Variants in GPATCH2 observed in about 807,000 individuals in gnomAD.
GPATCH2 encodes G patch domain-containing protein 2.
Under a neutral mutation model 58.0 loss-of-function variants are expected in GPATCH2, and 51 were observed. The ratio of observed to expected loss-of-function variants is 0.88; its 90% CI spans 0.70 to 1.11. The LOEUF is 1.11. GPATCH2 is among the 50% of genes most tolerant of loss of function. The probability of loss-of-function intolerance (pLI) is 0.00; values close to 1 mark genes in which losing one functional copy is unlikely to be tolerated. For missense variants in GPATCH2, 625 were observed against 652.2 expected, an observed-to-expected ratio of 0.96 and a Z score of 0.45; for synonymous variants, 222 against 218.5, an observed-to-expected ratio of 1.02 and a Z score of -0.14.
chr1:217,428,485 G>A lies in GPATCH2; in HGVS notation c.*2660C>T, dbSNP rs928133097. On this transcript the variant is annotated 3_prime_UTR_variant, in exon 10 of 10. Transcript: ENST00000366935. Reference sequence around the variant, plus strand: ...ACTAAAAAATTCGTATTTTAATTGCGTTTGTTTCTCCAATTAAGTTCAGGT... The same window carrying A: ...ACTAAAAAATTCGTATTTTAATTGCATTTGTTTCTCCAATTAAGTTCAGGT... The A allele has an allele frequency of 2.0e-5, 3 of 152,124 alleles. No individual in the cohort carries two copies. Among genetic ancestry groups the A allele is most frequent in the Non-Finnish European group, 4.4e-5 (3 of 68,016 alleles). The allele number at this position is 152,124 out of a possible 1,614,324, so 9.4% of individuals were successfully genotyped here.
In GPATCH2 at chr1:217,589,517, C is replaced by A. The variant is rs111881743; in HGVS notation, c.1098+20804G>T. On this transcript the variant is annotated intron_variant, in intron 5 of 9. Transcript: ENST00000366935. ...AAATACAAAGAGTATAGACACACTG[C>A]GGTCTTTTGGGTCTTTGGCTTGTAT... 3.9e-3 allele frequency among the ~76,000 whole-genome samples: 595 copies of A among 152,242 alleles called. 1 individual carries two copies. Among genetic ancestry groups the A allele is most frequent in the Non-Finnish European group, 6.8e-3 (464 of 68,008 alleles).
rs367637025 is a variant in GPATCH2, at chr1:217,484,556, T to TTTTATA, written c.1277+7123_1277+7124insTATAAA. On this transcript the variant is annotated intron_variant, in intron 8 of 9. Transcript: ENST00000366935. The stretch of plus-strand genomic sequence containing the variant: ...AATAAATCTTTCTATATATAATTAT[T>TTTTATA]TATATATATATATATATATATGATG... 1.2e-3 allele frequency among the ~76,000 whole-genome samples: 168 copies of TTTTATA among 143,180 alleles called. 1 individual carries two copies. Among genetic ancestry groups the TTTTATA allele is most frequent in the Non-Finnish European group, 2.1e-3 (140 of 65,672 alleles). The allele number at this position is 143,180 out of a possible 152,430, so 93.9% of individuals were successfully genotyped here. A position where few individuals can be genotyped will look rare whatever the true frequency, so the allele number is the denominator to read the frequency against.
chr1:217,533,115 CCCAGGCTGGTCTTGAACTCCTGAG>C (rs1664285422), intron 5 of GPATCH2, among the ~76,000 whole-genome samples: 1 of 151,198 alleles, frequency 6.6e-6, no homozygotes, highest in Admixed American at 6.6e-5. Flanking sequence ...TGCCATGTTG[CCCAGGCTGGTCTTGAACTCCTGAG>C]CTCAAGTGAT....
chr1:217,625,025 T>C lies in GPATCH2; in HGVS notation c.57-4526A>G, dbSNP rs188298876. Reference sequence around the variant, plus strand: ...GATTTGGGCAGATGAGTACTTTGTTTTTTCGGGTGGTATTGGATTATGCTG... The same window carrying C: ...GATTTGGGCAGATGAGTACTTTGTTCTTTCGGGTGGTATTGGATTATGCTG... On this transcript the variant is annotated intron_variant, in intron 1 of 9. Coordinates refer to ENST00000366935, the MANE Select transcript of GPATCH2 (RefSeq NM_018040.5). Among the ~76,000 whole-genome samples, 343 of 152,300 alleles carry C rather than the reference T, an allele frequency of 2.3e-3. 2 individuals carry two copies. The highest frequency in any genetic ancestry group is 0.015 in the East Asian group (76 of 5,192).
At chr1:217,448,842 C>T (rs1659514612) in intron 9 of GPATCH2, among the ~76,000 whole-genome samples, 5 of 152,186 alleles carry the variant, frequency 3.3e-5, no homozygotes, top group African/African-American at 1.2e-4. Context: ...TGTCCATCTC[C>T]TACCACATGG....
intron 7 of GPATCH2, among the ~76,000 whole-genome samples, chr1:217,497,425 G>T (rs1662064666): frequency 6.6e-6 from 1 of 152,026 alleles, no homozygotes; most frequent in Non-Finnish European, 1.5e-5. Context: ...CATGAAAATG[G>T]AAGGTATTTC....
chr1:217,543,521 G>A (rs376857745), intron 5 of GPATCH2, among the ~76,000 whole-genome samples: 1 of 151,882 alleles, frequency 6.6e-6, no homozygotes, highest in South Asian at 2.1e-4. Context: ...TGCCCGTCTC[G>A]GCCTCCCAAA....
At chr1:217,539,258 G>A (rs570542676) in intron 5 of GPATCH2, among the ~76,000 whole-genome samples, 4 of 151,402 alleles carry the variant, frequency 2.6e-5, no homozygotes, top group East Asian at 2.0e-4. Context: ...TAAATACCAC[G>A]TTGAAAAAAA....
At chr1:217,479,295 G>A (rs1410790815) in intron 8 of GPATCH2, among the ~76,000 whole-genome samples, 1 of 152,010 alleles carries the variant, frequency 6.6e-6, no homozygotes, top group Admixed American at 6.6e-5. Context: ...AATGATGAAT[G>A]AATAAAAAAT....
chr1:217,453,924 AACAG>A, intron 8 of GPATCH2, among the ~76,000 whole-genome samples: 1 of 152,194 alleles, frequency 6.6e-6, no homozygotes, highest in Non-Finnish European at 1.5e-5. Flanking sequence ...CAAGCTGCAA[AACAG>A]ACAAACAGAC....
chr1:217,432,153 C>T (rs995481928), intron 9 of GPATCH2, among the ~76,000 whole-genome samples: 5 of 151,542 alleles, frequency 3.3e-5, no homozygotes, highest in Non-Finnish European at 7.4e-5. Context: ...CCTTCCCTTC[C>T]CTCCCTCCTT....
intron 8 of GPATCH2, among the ~76,000 whole-genome samples, chr1:217,467,475 A>G (rs955170516): frequency 1.3e-5 from 2 of 152,122 alleles, no homozygotes; most frequent in African/African-American, 4.8e-5. Flanking sequence ...AAAAAAGAAA[A>G]AACACTTTTT....
At chr1:217,557,390 C>T (rs1235443786) in intron 5 of GPATCH2, among the ~76,000 whole-genome samples, 1 of 103,434 alleles carries the variant, frequency 9.7e-6, no homozygotes, top group Non-Finnish European at 1.9e-5. Context: ...GCCTGGGCAA[C>T]AAGAGTGAAA....
At chr1:217,525,164 C>T (rs1197465134) in intron 5 of GPATCH2, among the ~76,000 whole-genome samples, 2 of 151,670 alleles carry the variant, frequency 1.3e-5, no homozygotes, top group Non-Finnish European at 2.9e-5. Context: ...TGATTGTTCT[C>T]ACATGTAACA....
In GPATCH2 at chr1:217,510,632, A is replaced by G. The variant is rs114071649; in HGVS notation, c.1166+4190T>C. On this transcript the variant is annotated intron_variant, in intron 6 of 9. Transcript: ENST00000366935. ...AATTCTATCACCATCTTTTAATTTTATAGAGTGCTCAGAAATCTTATTCAT... is the reference window on the plus strand; with the variant it reads ...AATTCTATCACCATCTTTTAATTTTGTAGAGTGCTCAGAAATCTTATTCAT... Among the ~76,000 whole-genome samples the G allele has an allele frequency of 7.4e-3, 1,123 of 152,218 alleles. 4 individuals are homozygous for G. The highest frequency in any genetic ancestry group is 0.012 in the Non-Finnish European group (842 of 68,018).
At chr1:217,496,715 TTATG>T (rs1006672353) in intron 7 of GPATCH2, among the ~76,000 whole-genome samples, 12 of 152,188 alleles carry the variant, frequency 7.9e-5, no homozygotes, top group African/African-American at 2.9e-4. Context: ...CAAAACAAGG[TTATG>T]TATTGATCAG....
At position 217,431,270 on chromosome 1, in the gene GPATCH2, G is replaced by C; in HGVS notation, c.1462C>G (p.Arg488Gly). The C allele has an allele frequency of 6.2e-7, 1 of 1,604,210 alleles. No homozygotes were observed. The highest frequency in any genetic ancestry group is 8.5e-7 in the Non-Finnish European group (1 of 1,170,990). The change falls in exon 10 of 10, where the codon CGA becomes GGA. Residue 488 changes from arginine (R) to glycine (G), a missense_variant. By Grantham distance (125) the Arg-to-Gly change is moderately radical. Coordinates refer to ENST00000366935, the MANE Select transcript of GPATCH2 (RefSeq NM_018040.5). ...GGCTCAGAGATCCCCTTGCCATCTC[G>C]TCCAAGGCCTGACCCAGGCGTCCAG... is the stretch of plus-strand genomic sequence containing the variant. ...MGWTPGSGLG[R>G]DGKGISEPIQ...
intron 8 of GPATCH2, among the ~76,000 whole-genome samples, chr1:217,457,536 A>G (rs1659999946): frequency 6.6e-6 from 1 of 152,218 alleles, no homozygotes; most frequent in African/African-American, 2.4e-5. Context: ...TAAGTAATTT[A>G]CCTAGAGTCA....
chr1:217,517,196 T>G (rs1663207630), intron 5 of GPATCH2, among the ~76,000 whole-genome samples: 2 of 152,220 alleles, frequency 1.3e-5, no homozygotes, highest in African/African-American at 4.8e-5. Flanking sequence ...TTTACCTATT[T>G]ACCTAGTACA....
Sources: gnomAD v4.1 joint callset for allele counts (sites outside exome capture counted in the v4.1 genomes callset) on GRCh38, gnomAD v4.1.1 for gene constraint, MANE v1.5 for transcripts, NCBI Gene and HGNC (gene_info 2026-07-23, HGNC 2026-07-21) for gene names.